The following ASAH2 variants were observed in gnomAD, a reference collection of about 807,000 sequenced individuals.
The protein encoded by ASAH2 is neutral ceramidase.
In ASAH2, 58 loss-of-function variants were observed where a neutral mutation model predicts 82.9. That is an observed-to-expected ratio of 0.70 (90% CI 0.57 to 0.87). The LOEUF (loss-of-function observed/expected upper bound fraction) is 0.87, where lower values mean the gene tolerates loss of function less well. ASAH2 is among the 40% of genes least tolerant of loss of function. The pLI is 0.00. For missense variants in ASAH2, 779 were observed against 834.0 expected (o/e 0.93, Z 0.81); for synonymous variants, 276 against 289.7 (o/e 0.95, Z 0.48).
intron 3 of ASAH2, among the ~76,000 whole-genome samples, chr10:50,243,698 T>C (rs1050252004): frequency 6.6e-6 from 1 of 152,308 alleles, no homozygotes; most frequent in Middle Eastern, 3.4e-3. Context: ...CTGGCCTTTC[T>C]GGTTTTGGCA....
At position 50,239,755 on chromosome 10, in the gene ASAH2, A is replaced by C. The variant is rs1244345685; in HGVS notation, c.510+3447T>G. Reference sequence around the variant, plus strand: ...TTAATCCATACAAGGCACTGACAAGAGTTCCAGACTCAGCATGAATATTAT... The same window carrying C: ...TTAATCCATACAAGGCACTGACAAGCGTTCCAGACTCAGCATGAATATTAT... On this transcript the variant is annotated intron_variant, in intron 4 of 20. Coordinates refer to ENST00000682911, the MANE Select transcript of ASAH2 (RefSeq NM_019893.4). Among the ~76,000 whole-genome samples, 3 of 151,910 alleles carry C rather than the reference A, an allele frequency of 2.0e-5. No homozygotes were observed. In the East Asian group the frequency reaches 5.8e-4, roughly 29 times the overall value.
intron 2 of ASAH2, among the ~76,000 whole-genome samples, 195 bp from the exon 3 acceptor site, chr10:50,245,649 CAGACTAACA>C (rs1280759120): frequency 2.0e-5 from 3 of 152,132 alleles, no homozygotes; most frequent in Admixed American, 2.0e-4. Flanking sequence ...AGAAATATTT[CAGACTAACA>C]ATCAAGGCCT....
In ASAH2 at chr10:50,210,117, C is replaced by A. The variant is rs1475158311; in HGVS notation, c.1414+706G>T. ...TAGACTATTTATAGATTCATAATAA[C>A]CAAAACATGGGATAACCCAAATGTT... On this transcript the variant is annotated intron_variant, in intron 12 of 20. Coordinates refer to ENST00000682911, the MANE Select transcript of ASAH2 (RefSeq NM_019893.4). Among the ~76,000 whole-genome samples the A allele has an allele frequency of 2.6e-5, 4 of 152,066 alleles. No individual in the cohort carries two copies. In the South Asian group the frequency reaches 6.2e-4, roughly 24 times the overall value.
In ASAH2 at chr10:50,249,233, T is replaced by C. The variant is rs374805765; in HGVS notation, c.-36-587A>G. Among the ~76,000 whole-genome samples the C allele has an allele frequency of 1.1e-4, 16 of 152,266 alleles. 1 individual carries two copies. The South Asian group carries it at 2.1e-3, about 20-fold the overall frequency. On this transcript the variant is annotated intron_variant, in intron 1 of 20. Transcript: ENST00000682911. ...TGGAAAAGGGAATTAGTACCTCTGG[T>C]CTGAAGGCAGGCATTACAAAAAACA...
intron 18 of ASAH2, among the ~76,000 whole-genome samples, chr10:50,193,921 C>A (rs2133193371): frequency 6.6e-6 from 1 of 150,886 alleles, no homozygotes; most frequent in East Asian, 2.0e-4. Context: ...TAGAATGATA[C>A]CAATTCCTAT....
intron 17 of ASAH2, among the ~76,000 whole-genome samples, chr10:50,198,713 C>A (rs1845058720): frequency 1.3e-5 from 2 of 151,878 alleles, no homozygotes; most frequent in Non-Finnish European, 2.9e-5. Context: ...TATCTTCAAG[C>A]CTATGTGCTC....
At chr10:50,222,426 G>A (rs1481133535) in intron 7 of ASAH2, among the ~76,000 whole-genome samples, 2 of 151,928 alleles carry the variant, frequency 1.3e-5, no homozygotes, top group Non-Finnish European at 2.9e-5. Context: ...CTACAGATGT[G>A]CACCACCATG....
chr10:50,249,922 T>C (rs1463090452), intron 1 of ASAH2, among the ~76,000 whole-genome samples: 1 of 152,206 alleles, frequency 6.6e-6, no homozygotes, highest in African/African-American at 2.4e-5. Context: ...GTGGCTAAGA[T>C]GCTGCTACCC....
chr10:50,203,722 G>A (rs1024114736), intron 14 of ASAH2, 43 bp from the exon 15 acceptor site: 89 of 1,568,678 alleles, frequency 5.7e-5, no homozygotes, highest in Non-Finnish European at 7.3e-5. Flanking sequence ...CCTACTAGAC[G>A]TATGCAGAGT....
chr10:50,185,303 A>G lies in ASAH2; in HGVS notation c.*2012T>C, dbSNP rs1397873904. On this transcript the variant is annotated 3_prime_UTR_variant, in exon 21 of 21. Coordinates refer to ENST00000682911, the MANE Select transcript of ASAH2 (RefSeq NM_019893.4). ...TTATTTTTACACATGAACTGCGAAC[A>G]TAGAACTGCATGCCCTAGAAGAAAT... 6.8e-6 allele frequency: 1 copy of G among 146,634 alleles called. No individual in the cohort carries two copies. Among genetic ancestry groups the G allele is most frequent in the East Asian group, 2.0e-4 (1 of 5,048 alleles). 9.1% of individuals were successfully genotyped at this position (146,634 alleles called of 1,614,324 possible).
intron 7 of ASAH2, among the ~76,000 whole-genome samples, chr10:50,226,431 G>C (rs1845886442): frequency 6.6e-6 from 1 of 151,930 alleles, no homozygotes; most frequent in Admixed American, 6.6e-5. Flanking sequence ...ACGATTTTTT[G>C]ACTTTTTAAT....
chr10:50,243,258 G>A lies in ASAH2; in HGVS notation c.454C>T (p.Arg152Ter). Reference protein sequence around the residue: ...FIMAEPDGSNRTVFVSIDIGM... With the variant: ...FIMAEPDGSN ...ATGTCGATGCTGACAAACACTGTTC[G>A]ATTGGACCCATCAGGTTCTGCCATG... The change falls in exon 4 of 21, where the codon CGA becomes TGA. Residue 152 changes from arginine (R) to a stop codon, truncating the protein, a stop_gained. Transcript: ENST00000682911. LOFTEE classifies it high-confidence loss of function. 1.9e-6 allele frequency: 3 copies of A among 1,614,012 alleles called. No homozygotes were observed. The highest frequency in any genetic ancestry group is 2.2e-5 in the South Asian group (2 of 91,056).
intron 12 of ASAH2, among the ~76,000 whole-genome samples, chr10:50,206,468 G>A (rs1375396046): frequency 2.0e-5 from 3 of 148,430 alleles, no homozygotes; most frequent in Admixed American, 6.8e-5. Context: ...GAAAAATTAC[G>A]CCTCCAACTC....
At chr10:50,208,860 T>C (rs1845379959) in intron 12 of ASAH2, among the ~76,000 whole-genome samples, 1 of 152,054 alleles carries the variant, frequency 6.6e-6, no homozygotes, top group African/African-American at 2.4e-5. Flanking sequence ...AAAACAATCT[T>C]GGAAGAGGAG....
chr10:50,243,348 C>G lies in ASAH2; in HGVS notation c.364G>C (p.Gly122Arg), dbSNP rs369748659. 8 of 1,613,740 alleles carry G rather than the reference C, an allele frequency of 5.0e-6. No homozygotes were observed. The African/African-American group carries it at 9.3e-5, about 19-fold the overall frequency. ...TGQVADINLM[G>R]YGKSGQNAQG... Reference sequence around the variant, plus strand: ...GCATTCTGGCCGGATTTGCCATAGCCCATCTAAAGAGGAAGAGACAATCAG... The same window carrying G: ...GCATTCTGGCCGGATTTGCCATAGCGCATCTAAAGAGGAAGAGACAATCAG... The change falls in exon 4 of 21, where the codon GGC (glycine) becomes CGC (arginine). Residue 122 changes from glycine to arginine, a missense_variant. Transcript: ENST00000682911.
chr10:50,203,000 A>G, intron 15 of ASAH2, 76 bp from the exon 16 acceptor site: 1 of 1,003,692 alleles, frequency 1.0e-6, no homozygotes, highest in Non-Finnish European at 1.6e-6. Flanking sequence ...TCCTTAACAC[A>G]CAAGCATTGA....
rs1463668692 is a variant in ASAH2 at position 50,210,823 on chromosome 10, C to G, written c.1414G>C (p.Gly472Arg). The G allele has an allele frequency of 6.2e-7, 1 of 1,608,526 alleles. No homozygotes were observed. The highest frequency in any genetic ancestry group is 8.5e-7 in the Non-Finnish European group (1 of 1,175,120). Residue 472 changes from glycine to arginine, a missense_variant and splice_region_variant, in exon 12 of 21, where the codon GGG becomes CGG. Gly to Arg is a moderately radical substitution (Grantham distance 125). Coordinates refer to ENST00000682911, the MANE Select transcript of ASAH2 (RefSeq NM_019893.4). ...TAGATTTTACTGGACTTCACCTTAC[C>G]CTGTGTAAAATTGAGGCCTCCAACT... ...DGVGGLNFTQGKTEGDPFWDT... is the reference protein window; with the variant it reads ...DGVGGLNFTQRKTEGDPFWDT...
intron 8 of ASAH2, among the ~76,000 whole-genome samples, chr10:50,216,104 C>A (rs1845591291): frequency 1.6e-5 from 2 of 128,160 alleles, no homozygotes; most frequent in South Asian, 2.5e-4. Flanking sequence ...GGGAGTTGAA[C>A]AATGAGAACA....
At chr10:50,211,367 A>G (rs1476840370) in intron 10 of ASAH2, among the ~76,000 whole-genome samples, 2 of 152,134 alleles carry the variant, frequency 1.3e-5, no homozygotes, top group Non-Finnish European at 2.9e-5. Flanking sequence ...AACTCCCCAC[A>G]AAAGTGAAAT....
Sources: allele counts gnomAD v4.1 joint callset (sites outside exome capture counted in the v4.1 genomes callset), GRCh38; gene constraint gnomAD v4.1.1; transcripts MANE v1.5; gene names NCBI Gene and HGNC (gene_info 2026-07-23, HGNC 2026-07-21).